Variants in KIAA0586 observed in about 807,000 individuals in gnomAD.
The protein encoded by KIAA0586 is KIAA0586, also known as protein TALPID3.
Under a neutral mutation model 169.8 loss-of-function variants are expected in KIAA0586, and 144 were observed. That is an observed-to-expected ratio of 0.85 (90% CI 0.74 to 0.97). The LOEUF is 0.97. KIAA0586 is among the 50% of genes least tolerant of loss of function. The probability of loss-of-function intolerance (pLI) is 0.00; values close to 1 mark genes in which losing one functional copy is unlikely to be tolerated. For synonymous variants in KIAA0586, 625 were observed against 612.4 expected (o/e 1.02, Z -0.30); for missense variants, 1,854 against 1,823.0 (o/e 1.02, Z -0.31).
intron 15 of KIAA0586, among the ~76,000 whole-genome samples, chr14:58,466,742 G>C (rs2040803183): frequency 6.6e-6 from 1 of 152,112 alleles, no homozygotes; most frequent in East Asian, 1.9e-4. Flanking sequence ...AAAAAAGAAA[G>C]TTTAAATATG....
intron 4 of KIAA0586, among the ~76,000 whole-genome samples, chr14:58,435,247 C>G (rs1051505726): frequency 6.6e-6 from 1 of 152,206 alleles, no homozygotes; most frequent in African/African-American, 2.4e-5. Flanking sequence ...TCTATTAATA[C>G]ATTTATATCA....
At chr14:58,544,564 A>G (rs1208583502) in intron 30 of KIAA0586, among the ~76,000 whole-genome samples, 2 of 152,110 alleles carry the variant, frequency 1.3e-5, no homozygotes, top group African/African-American at 4.8e-5. Context: ...AGCCATTCTG[A>G]CTGGTGTGAG....
intron 2 of KIAA0586, 63 bp downstream of exon 2, chr14:58,429,496 T>C: frequency 1.1e-6 from 1 of 900,480 alleles, no homozygotes; most frequent in Non-Finnish European, 1.9e-6. Flanking sequence ...AATAATGCAT[T>C]CTTAAATTAT....
intron 27 of KIAA0586, among the ~76,000 whole-genome samples, chr14:58,504,858 T>A (rs1011448254): frequency 3.9e-5 from 6 of 152,162 alleles, no homozygotes; most frequent in African/African-American, 7.2e-5. Context: ...TTCTCTAATG[T>A]CACCTGCCTA....
chr14:58,444,910 C>T lies in KIAA0586; in HGVS notation c.807+735C>T, dbSNP rs60414143. ...TGGTTGATGTAGCAAGACCTCATCT[C>T]TTAGGAAAAAAAAAAAAAAAAAAAA... On this transcript the variant is annotated intron_variant, in intron 6 of 30. Transcript: ENST00000652326. Among the ~76,000 whole-genome samples, 5 of 121,036 alleles carry T rather than the reference C, an allele frequency of 4.1e-5. No homozygotes were observed. In the East Asian group the frequency reaches 1.2e-3, roughly 29 times the overall value. 79.4% of individuals were successfully genotyped at this position (121,036 alleles called of 152,430 possible).
chr14:58,490,369 A>G (rs2042758736), intron 25 of KIAA0586, 129 bp downstream of exon 25: 4 of 465,494 alleles, frequency 8.6e-6, no homozygotes, highest in Non-Finnish European at 1.5e-5. Flanking sequence ...TAACCATGAA[A>G]TAATTTAGAG....
intron 27 of KIAA0586, among the ~76,000 whole-genome samples, chr14:58,503,512 A>G (rs768756577): frequency 6.6e-6 from 1 of 152,208 alleles, no homozygotes; most frequent in Non-Finnish European, 1.5e-5. Flanking sequence ...TGTGCTGAGC[A>G]TGTGCTAGGT....
chr14:58,551,472 C>A (rs898391096), downstream of KIAA0586, among the ~76,000 whole-genome samples: 2 of 151,916 alleles, frequency 1.3e-5, no homozygotes, highest in East Asian at 1.9e-4. Context: ...AAAAGTAATT[C>A]TGTAACTGGC....
Position 58,537,123 on chromosome 14 carries a change from A to C in KIAA0586, c.4430-2948A>C, listed in dbSNP as rs2046336716. The C allele has an allele frequency of 1.3e-5, 15 of 1,161,982 alleles. No individual in the cohort carries two copies. The South Asian group carries it at 2.4e-4, about 18-fold the overall frequency. The allele number at this position is 1,161,982 out of a possible 1,614,324, so 72.0% of individuals were successfully genotyped here. A position where few individuals can be genotyped will look rare whatever the true frequency, so the allele number is the denominator to read the frequency against. On this transcript the variant is annotated intron_variant, in intron 29 of 30. Coordinates refer to ENST00000652326, the MANE Select transcript of KIAA0586 (RefSeq NM_001329943.3). ...GTTTTAATCATCAACTGCAGAGCACAATACTCACCCTTCCAGTAAACCTCG... is the reference window on the plus strand; with the variant it reads ...GTTTTAATCATCAACTGCAGAGCACCATACTCACCCTTCCAGTAAACCTCG...
chr14:58,461,137 C>A lies in KIAA0586; in HGVS notation c.2036C>A (p.Pro679Gln). Residue 679 changes from proline to glutamine, a missense_variant, in exon 14 of 31, where the codon CCA (proline) becomes CAA (glutamine). Physicochemically the swap from Pro to Gln is moderately conservative, Grantham distance 76. Coordinates refer to ENST00000652326, the MANE Select transcript of KIAA0586 (RefSeq NM_001329943.3). ...SPSPKSRPQR[P>Q]KVIERVKGTK... ...TCTCCTAAGTCCAGACCACAGAGAC[C>A]AAAAGTAATAGAACGAGTTAAAGGT... is the stretch of plus-strand genomic sequence containing the variant. The A allele has an allele frequency of 6.3e-7, 1 of 1,587,672 alleles. No homozygotes were observed. Among genetic ancestry groups the A allele is most frequent in the Non-Finnish European group, 8.5e-7 (1 of 1,170,134 alleles).
intron 8 of KIAA0586, among the ~76,000 whole-genome samples, chr14:58,451,769 C>T (rs916912506): frequency 2.6e-5 from 4 of 151,894 alleles, no homozygotes; most frequent in Non-Finnish European, 4.4e-5. Flanking sequence ...CTGCAACCTC[C>T]GCCTCCTAGG....
chr14:58,484,924 A>ATAAATATATATTTTTTTTTTT lies in KIAA0586; in HGVS notation c.3145-2082_3145-2081insAAATATATATTTTTTTTTTTT, dbSNP rs1566877360. On this transcript the variant is annotated intron_variant, in intron 21 of 30. Coordinates refer to ENST00000652326, the MANE Select transcript of KIAA0586 (RefSeq NM_001329943.3). ...TATATATATATATATATATATATAT[A>ATAAATATATATTTTTTTTTTT]TTTTTTTTTTTTTTTTTTTTTTTTT... Among the ~76,000 whole-genome samples the ATAAATATATATTTTTTTTTTT allele has an allele frequency of 3.1e-4, 4 of 13,048 alleles. 1 individual carries two copies. Among genetic ancestry groups the ATAAATATATATTTTTTTTTTT allele is most frequent in the Non-Finnish European group, 5.3e-4 (4 of 7,520 alleles). 8.6% of individuals were successfully genotyped at this position (13,048 alleles called of 152,430 possible).
intron 21 of KIAA0586, among the ~76,000 whole-genome samples, chr14:58,484,896 A>ATATATATTTATATATATTTT (rs1397867264): frequency 0.04 from 205 of 5,070 alleles, 47 homozygotes; most frequent in East Asian, 0.15. Flanking sequence ...ATATTTATAT[A>ATATATATTTATATATATTTT]TATATATATA....
Position 58,550,204 on chromosome 14 carries a change from G to A in KIAA0586, c.*2272G>A, listed in dbSNP as rs1220653598. On this transcript the variant is annotated 3_prime_UTR_variant, in exon 31 of 31. Coordinates refer to ENST00000652326, the MANE Select transcript of KIAA0586 (RefSeq NM_001329943.3). The stretch of plus-strand genomic sequence containing the variant: ...GTAGAGATGGGGTTTCTCCGTGTTG[G>A]TCAGGCTAGTCCTGAACTCCCGACC... The A allele has an allele frequency of 2.0e-5, 3 of 151,866 alleles. No individual in the cohort carries two copies. The highest frequency in any genetic ancestry group is 7.3e-5 in the African/African-American group (3 of 41,298). 9.4% of individuals were successfully genotyped at this position (151,866 alleles called of 1,614,324 possible).
chr14:58,527,550 T>C (rs945148970), intron 29 of KIAA0586, among the ~76,000 whole-genome samples: 1 of 152,186 alleles, frequency 6.6e-6, no homozygotes, highest in African/African-American at 2.4e-5. Flanking sequence ...GGGGCCAATA[T>C]TCAGCAGTCT....
chr14:58,500,494 C>T (rs1052391477), intron 27 of KIAA0586, among the ~76,000 whole-genome samples: 1 of 152,132 alleles, frequency 6.6e-6, no homozygotes, highest in African/African-American at 2.4e-5. Context: ...CACCTGAGGT[C>T]AGGAGTTTAA....
intron 29 of KIAA0586, among the ~76,000 whole-genome samples, chr14:58,538,432 A>T (rs1194124606): frequency 2.6e-5 from 4 of 151,846 alleles, no homozygotes; most frequent in Admixed American, 2.0e-4. Context: ...TTTAGTATAA[A>T]TTTTTTTTAA....
At chr14:58,428,549 T>C (rs1290272487) in intron 1 of KIAA0586, 86 bp downstream of exon 1, 4 of 1,008,758 alleles carry the variant, frequency 4.0e-6, no homozygotes, top group Middle Eastern at 2.3e-4. Context: ...ACGTAAGATA[T>C]AAGTCTAGTT....
chr14:58,439,388 C>A (rs1460418744), intron 4 of KIAA0586, among the ~76,000 whole-genome samples: 1 of 152,050 alleles, frequency 6.6e-6, no homozygotes, highest in Admixed American at 6.6e-5. Flanking sequence ...GGGGTTTCAC[C>A]GTGTTAGCCA....
Sources: allele counts gnomAD v4.1 joint callset (sites outside exome capture counted in the v4.1 genomes callset), GRCh38; gene constraint gnomAD v4.1.1; transcripts MANE v1.5; gene names NCBI Gene and HGNC (gene_info 2026-07-23, HGNC 2026-07-21).